Variants in CLOCK observed in about 807,000 individuals in gnomAD.
CLOCK encodes the protein clock circadian regulator.
A neutral mutation model predicts 118.4 loss-of-function variants in CLOCK; 43 were observed. That is an observed-to-expected ratio of 0.36 (90% CI 0.28 to 0.47). The LOEUF (loss-of-function observed/expected upper bound fraction) is 0.47, where lower values mean the gene tolerates loss of function less well. Among genes scored for constraint, CLOCK ranks in the 20% least tolerant of loss-of-function variants. CLOCK has a pLI of 1.00. For synonymous variants in CLOCK, 326 were observed against 339.2 expected, an observed-to-expected ratio of 0.96 and a Z score of 0.43; for missense variants, 846 against 999.9, an observed-to-expected ratio of 0.85 and a Z score of 2.08.
chr4:55,496,871 T>A (rs1490111130), intron 2 of CLOCK, among the ~76,000 whole-genome samples: 3 of 152,206 alleles, frequency 2.0e-5, no homozygotes, highest in African/African-American at 7.2e-5. Context: ...CAGTACCCAA[T>A]ATATTATCAA....
chr4:55,483,076 T>C (rs1324286874), intron 3 of CLOCK, among the ~76,000 whole-genome samples: 1 of 152,150 alleles, frequency 6.6e-6, no homozygotes, highest in Non-Finnish European at 1.5e-5. Context: ...TTACTATCAA[T>C]CAAAATAAAA....
chr4:55,534,915 T>C (rs1730787610), intron 1 of CLOCK, among the ~76,000 whole-genome samples: 1 of 150,508 alleles, frequency 6.6e-6, no homozygotes, highest in African/African-American at 2.4e-5. Flanking sequence ...CAGCCTTTTC[T>C]GTATAAAGTG....
At chr4:55,481,293 T>C (rs561613276) in intron 4 of CLOCK, among the ~76,000 whole-genome samples, 1 of 152,314 alleles carries the variant, frequency 6.6e-6, no homozygotes, top group Non-Finnish European at 1.5e-5. Context: ...AATTGTTATA[T>C]GTATATGAAT....
chr4:55,430,888 A>G lies in CLOCK; in HGVS notation c.*4527T>C, dbSNP rs1446446244. 1 of 152,214 alleles carries G rather than the reference A, an allele frequency of 6.6e-6. No homozygotes were observed. Among genetic ancestry groups the G allele is most frequent in the Non-Finnish European group, 1.5e-5 (1 of 68,032 alleles). 9.4% of individuals were successfully genotyped at this position (152,214 alleles called of 1,614,324 possible). On this transcript the variant is annotated 3_prime_UTR_variant, in exon 23 of 23. Transcript: ENST00000513440. ...AGTGTTTAAATCAAACTAGGCATCTACAATCTCTTGACTCCACCACATTCA... is the reference window on the plus strand; with the variant it reads ...AGTGTTTAAATCAAACTAGGCATCTGCAATCTCTTGACTCCACCACATTCA...
intron 11 of CLOCK, among the ~76,000 whole-genome samples, chr4:55,456,657 T>C (rs751001991): frequency 6.6e-6 from 1 of 152,080 alleles, no homozygotes; most frequent in Non-Finnish European, 1.5e-5. Flanking sequence ...AACAAGTTAG[T>C]TGTTTCTATG....
In CLOCK at chr4:55,449,513, C is replaced by T. The variant is rs1560422461; in HGVS notation, c.1349-17G>A. 2 of 1,581,326 alleles carry T rather than the reference C, an allele frequency of 1.3e-6. No individual in the cohort carries two copies. Among genetic ancestry groups the T allele is most frequent in the African/African-American group, 2.7e-5 (2 of 74,342 alleles). ...TTGGTGTTGCTGAAGTCAACAAAAT[C>T]AGAAGAGCATTAGTACTTTATAAAA... On this transcript the variant is annotated splice_polypyrimidine_tract_variant and intron_variant, in intron 16 of 22. Transcript: ENST00000513440.
intron 1 of CLOCK, among the ~76,000 whole-genome samples, chr4:55,521,882 T>C (rs1350817106): frequency 6.6e-6 from 1 of 152,198 alleles, no homozygotes; most frequent in Non-Finnish European, 1.5e-5. Context: ...AGGCTAAGAA[T>C]AGCTACAATA....
At chr4:55,472,786 A>G (rs2140077) in intron 7 of CLOCK, among the ~76,000 whole-genome samples, 108,839 of 151,466 alleles carry the variant, frequency 0.72, 39,649 homozygotes, top group African/African-American at 0.83. Flanking sequence ...AACTTATTTT[A>G]AGTAGATGCC....
rs1169002089 is a variant in CLOCK, at chr4:55,442,560, G to T, written c.1977C>A (p.Ala659=). The T allele has an allele frequency of 6.2e-7, 1 of 1,611,610 alleles. No individual in the cohort carries two copies. Among genetic ancestry groups the T allele is most frequent in the Non-Finnish European group, 8.5e-7 (1 of 1,179,616 alleles). The change falls in exon 21 of 23, where the codon GCC becomes GCA. Residue 659 remains alanine, a synonymous_variant. Transcript: ENST00000513440. ...LPSQTQSTLT[A]PLYNTMVISQ... is the part of the protein sequence containing the mutation. ...AAATCACCATAGTGTTATACAGTGG[G>T]GCTGTAAGAGTGCTCTGTGTCTGAC...
intron 2 of CLOCK, among the ~76,000 whole-genome samples, chr4:55,492,357 T>TAA (rs369193423): frequency 0.23 from 33,221 of 141,688 alleles, 4,327 homozygotes; most frequent in South Asian, 0.37. Flanking sequence ...CTATTCATGA[T>TAA]AAAAAAAAAA....
At chr4:55,460,385 T>A (rs974028825) in intron 9 of CLOCK, among the ~76,000 whole-genome samples, 1 of 152,252 alleles carries the variant, frequency 6.6e-6, no homozygotes, top group African/African-American at 2.4e-5. Context: ...TCGAACTTGA[T>A]TGTCCCATTA....
At chr4:55,469,142 T>G (rs968005043) in intron 8 of CLOCK, among the ~76,000 whole-genome samples, 3 of 148,220 alleles carry the variant, frequency 2.0e-5, no homozygotes, top group African/African-American at 7.4e-5. Context: ...TTTTTTTTTT[T>G]GAGATGGAGT....
At chr4:55,524,461 T>C (rs185101149) in intron 1 of CLOCK, among the ~76,000 whole-genome samples, 1 of 148,218 alleles carries the variant, frequency 6.7e-6, no homozygotes, top group Non-Finnish European at 1.5e-5. Context: ...ATTAAATGAC[T>C]GACTAGACAA....
intron 3 of CLOCK, among the ~76,000 whole-genome samples, chr4:55,484,958 ATC>A (rs369874011): frequency 2.0e-5 from 3 of 150,802 alleles, no homozygotes; most frequent in Admixed American, 6.6e-5. Flanking sequence ...ACAACGTAAG[ATC>A]TCTCTCTCTC....
intron 14 of CLOCK, 84 bp from the exon 15 acceptor site, chr4:55,453,213 C>A (rs879766585): frequency 9.2e-7 from 1 of 1,088,552 alleles, no homozygotes; most frequent in South Asian, 1.3e-5. Context: ...AGTGTTGTTA[C>A]GTGTCTCATC....
At chr4:55,512,277 T>C (rs1218450833) in intron 1 of CLOCK, among the ~76,000 whole-genome samples, 12 of 152,166 alleles carry the variant, frequency 7.9e-5, no homozygotes, top group African/African-American at 2.2e-4. Flanking sequence ...ATTTTCACCA[T>C]TCAAATATGT....
intron 2 of CLOCK, among the ~76,000 whole-genome samples, chr4:55,508,782 C>T (rs961384194): frequency 6.6e-5 from 10 of 152,030 alleles, no homozygotes; most frequent in Admixed American, 4.6e-4. Context: ...TTAGTAGAGA[C>T]GGAGTTTCAC....
chr4:55,513,553 T>C (rs926201216), intron 1 of CLOCK, among the ~76,000 whole-genome samples: 3 of 152,114 alleles, frequency 2.0e-5, no homozygotes, highest in Non-Finnish European at 4.4e-5. Flanking sequence ...ATGACTGTAG[T>C]TGTAAAGTAA....
rs753821021 is a variant in CLOCK at position 55,444,619 on chromosome 4, A to G, written c.1692+14T>C. 5.0e-6 allele frequency: 8 copies of G among 1,613,970 alleles called. No individual in the cohort carries two copies. The highest frequency in any genetic ancestry group is 1.7e-5 in the Admixed American group (1 of 60,016). On this transcript the variant is annotated intron_variant, in intron 19 of 22. Coordinates refer to ENST00000513440, the MANE Select transcript of CLOCK (RefSeq NM_004898.4). ...GAATGGGATGCTTTGTTTGTATTCA[A>G]ATATAACAATTACCTGCAGCCCCTG...
Sources: gnomAD v4.1 joint callset for allele counts (sites outside exome capture counted in the v4.1 genomes callset) on GRCh38, gnomAD v4.1.1 for gene constraint, MANE v1.5 for transcripts, NCBI Gene and HGNC (gene_info 2026-07-23, HGNC 2026-07-21) for gene names.